Variants in SMAD1 observed in about 807,000 individuals in gnomAD.
The protein encoded by SMAD1 is MAD, mothers against decapentaplegic homolog 1.
Under a neutral mutation model 41.6 loss-of-function variants are expected in SMAD1, and 6 were observed. The observed-to-expected ratio is 0.14, with a 90% confidence interval of 0.08 to 0.28. The LOEUF is 0.28. SMAD1 is among the 10% of genes least tolerant of loss of function. SMAD1 has a pLI of 1.00. For synonymous variants in SMAD1, 206 were observed against 203.2 expected (o/e 1.01, Z -0.12); for missense variants, 379 against 582.6 (o/e 0.65, Z 3.60).
At chr4:145,555,142 A>AGTCT (rs758559812) in intron 6 of SMAD1, among the ~76,000 whole-genome samples, 9 of 152,132 alleles carry the variant, frequency 5.9e-5, no homozygotes, top group Non-Finnish European at 8.8e-5. Context: ...TTTGTAGTTG[A>AGTCT]GTCTGGTACC....
intron 2 of SMAD1, among the ~76,000 whole-genome samples, chr4:145,525,169 C>T (rs1410706103): frequency 6.6e-6 from 1 of 152,164 alleles, no homozygotes; most frequent in Non-Finnish European, 1.5e-5. Context: ...CTTTCAGCCT[C>T]TTTGGTGCTA....
At position 145,482,190 on chromosome 4, in the gene SMAD1, G is replaced by T. The variant is rs949707092; in HGVS notation, c.-177+152G>T. Reference sequence around the variant, plus strand: ...GGGCTGGGGGCGCGGGCAGCGGCGGGAAGGGGGCTCTTTCTGCGCGGGGCG... The same window carrying T: ...GGGCTGGGGGCGCGGGCAGCGGCGGTAAGGGGGCTCTTTCTGCGCGGGGCG... On this transcript the variant is annotated intron_variant, in intron 1 of 6. Transcript: ENST00000302085. The surrounding 1 kb of genome is among the most constrained non-coding windows in gnomAD (Gnocchi z 4.2). Among the ~76,000 whole-genome samples, 1 of 151,368 alleles carries T rather than the reference G, an allele frequency of 6.6e-6. No individual in the cohort carries two copies. Among genetic ancestry groups the T allele is most frequent in the African/African-American group, 2.4e-5 (1 of 41,164 alleles).
intron 1 of SMAD1, among the ~76,000 whole-genome samples, chr4:145,504,203 G>GTT (rs1254169134): frequency 6.6e-6 from 1 of 152,142 alleles, no homozygotes. Flanking sequence ...CCAAGAACCC[G>GTT]TAAGGACTTT....
chr4:145,503,672 A>G (rs572690024), intron 1 of SMAD1, among the ~76,000 whole-genome samples: 36 of 152,332 alleles, frequency 2.4e-4, no homozygotes, highest in African/African-American at 8.2e-4. Context: ...ATTTCATTCA[A>G]TGCCATTTCC....
chr4:145,547,447 A>G (rs1202080397), intron 5 of SMAD1, among the ~76,000 whole-genome samples: 1 of 152,244 alleles, frequency 6.6e-6, no homozygotes, highest in Non-Finnish European at 1.5e-5. Flanking sequence ...AGGCATGGAT[A>G]TATTTATAAT....
chr4:145,496,917 G>A lies in SMAD1; in HGVS notation c.-177+14879G>A, dbSNP rs1446750416. Among the ~76,000 whole-genome samples, 4 of 151,924 alleles carry A rather than the reference G, an allele frequency of 2.6e-5. No individual in the cohort carries two copies. The East Asian group carries it at 7.7e-4, about 29-fold the overall frequency. ...GTGTTCTGTAAAAGTCTGTTTTTTT[G>A]CCTATACTCTGAATTCCAAGAGAAA... On this transcript the variant is annotated intron_variant, in intron 1 of 6. Transcript: ENST00000302085.
intron 1 of SMAD1, among the ~76,000 whole-genome samples, chr4:145,495,616 C>CTTT (rs58468364): frequency 5.7e-4 from 73 of 127,042 alleles, no homozygotes; most frequent in African/African-American, 2.1e-3. Context: ...AATTAATTTC[C>CTTT]TTTTTTTTTT....
chr4:145,550,177 A>G (rs994411319), intron 5 of SMAD1, among the ~76,000 whole-genome samples: 48 of 152,122 alleles, frequency 3.2e-4, no homozygotes, highest in African/African-American at 1.1e-3. Flanking sequence ...GATTGACAGT[A>G]TTCTCGGGAT....
chr4:145,549,646 G>C (rs1732451380), intron 5 of SMAD1, among the ~76,000 whole-genome samples: 1 of 152,156 alleles, frequency 6.6e-6, no homozygotes, highest in South Asian at 2.1e-4. Context: ...GTAAAAGTAT[G>C]AAACAGTGAC....
At chr4:145,493,814 A>T (rs1728906161) in intron 1 of SMAD1, among the ~76,000 whole-genome samples, 1 of 152,220 alleles carries the variant, frequency 6.6e-6, no homozygotes, top group Non-Finnish European at 1.5e-5. Context: ...ACTGTAAGTC[A>T]TTTTCTGCCC....
intron 1 of SMAD1, among the ~76,000 whole-genome samples, chr4:145,506,929 C>G (rs1233744549): frequency 6.6e-6 from 1 of 152,046 alleles, no homozygotes; most frequent in Non-Finnish European, 1.5e-5. Context: ...AGGAATAACA[C>G]ATAAGTTGGA....
At chr4:145,534,830 C>T (rs1731524144) in intron 2 of SMAD1, among the ~76,000 whole-genome samples, 1 of 152,112 alleles carries the variant, frequency 6.6e-6, no homozygotes, top group Non-Finnish European at 1.5e-5. Flanking sequence ...GGATGAATTC[C>T]TCCTTATAAT....
rs1732994256 is a variant in SMAD1 at position 145,559,014 on chromosome 4, T to G, written c.*1080T>G. On this transcript the variant is annotated 3_prime_UTR_variant, in exon 7 of 7. Coordinates refer to ENST00000302085, the MANE Select transcript of SMAD1 (RefSeq NM_005900.3). ...ATCCCAGTTTGAATTCATTTCAAAC[T>G]TTTTAAATTTTTTTGTACTATGTTT... Among the ~76,000 whole-genome samples, 3 of 152,332 alleles carry G rather than the reference T, an allele frequency of 2.0e-5. No homozygotes were observed. In the South Asian group the frequency reaches 6.2e-4, roughly 32 times the overall value.
rs1732641787 is a variant in SMAD1 at position 145,553,102 on chromosome 4, T to C, written c.998-682T>C. Reference sequence around the variant, plus strand: ...GTATTTTTTTTTTTTTTTGTGGAGATGGGGTTTCACCGTGCTGCCCAGGCT... The same window carrying C: ...GTATTTTTTTTTTTTTTTGTGGAGACGGGGTTTCACCGTGCTGCCCAGGCT... On this transcript the variant is annotated intron_variant, in intron 5 of 6. Transcript: ENST00000302085. Among the ~76,000 whole-genome samples the C allele has an allele frequency of 3.4e-5, 5 of 148,522 alleles. No homozygotes were observed. The South Asian group carries it at 1.1e-3, about 32-fold the overall frequency.
intron 5 of SMAD1, among the ~76,000 whole-genome samples, chr4:145,548,392 G>A (rs1226563699): frequency 1.3e-5 from 2 of 151,836 alleles, no homozygotes; most frequent in Non-Finnish European, 2.9e-5. Flanking sequence ...CACCACACTC[G>A]GCTAATTTTT....
intron 2 of SMAD1, among the ~76,000 whole-genome samples, chr4:145,529,459 T>C (rs1183764621): frequency 1.3e-5 from 2 of 152,204 alleles, no homozygotes; most frequent in Non-Finnish European, 2.9e-5. Context: ...TGTTAAGGGC[T>C]TGCTATCCCT....
chr4:145,538,107 C>T lies in SMAD1; in HGVS notation c.401-1697C>T, dbSNP rs139448378. 3.8e-4 allele frequency among the ~76,000 whole-genome samples: 58 copies of T among 152,162 alleles called. No homozygotes were observed. In the East Asian group the frequency reaches 8.9e-3, roughly 23 times the overall value. On this transcript the variant is annotated intron_variant, in intron 2 of 6. Coordinates refer to ENST00000302085, the MANE Select transcript of SMAD1 (RefSeq NM_005900.3). Reference sequence around the variant, plus strand: ...TCATAATTGAGACCATAGCTAGATGCCTGTAAAAGGCAAGTTGGGAAATGG... The same window carrying T: ...TCATAATTGAGACCATAGCTAGATGTCTGTAAAAGGCAAGTTGGGAAATGG...
chr4:145,547,021 C>A, intron 5 of SMAD1, 97 bp downstream of exon 5: 2 of 968,340 alleles, frequency 2.1e-6, no homozygotes, highest in Non-Finnish European at 3.3e-6. Context: ...ACTGTTGTAG[C>A]AAAGACCAGG....
At chr4:145,486,972 A>G (rs1423483665) in intron 1 of SMAD1, among the ~76,000 whole-genome samples, 1 of 152,098 alleles carries the variant, frequency 6.6e-6, no homozygotes, top group Non-Finnish European at 1.5e-5. Flanking sequence ...GGAAGGGAGG[A>G]AAGAATTTTT....
Sources: allele counts gnomAD v4.1 joint callset (sites outside exome capture counted in the v4.1 genomes callset), GRCh38; gene constraint gnomAD v4.1.1; non-coding constraint Gnocchi (gnomAD v3.1); transcripts MANE v1.5; gene names NCBI Gene and HGNC (gene_info 2026-07-23, HGNC 2026-07-21).